The following NLRP14 variants were observed in gnomAD, a reference collection of about 807,000 sequenced individuals.
NLRP14 encodes the protein NLR family pyrin domain containing 14, also known as NACHT, LRR and PYD domains-containing protein 14.
A neutral mutation model predicts 94.7 loss-of-function variants in NLRP14; 105 were observed. The ratio of observed to expected loss-of-function variants is 1.11; its 90% CI spans 0.95 to 1.30. The LOEUF (loss-of-function observed/expected upper bound fraction) is 1.30, where lower values mean the gene tolerates loss of function less well. Ranked by LOEUF, NLRP14 falls within the 50% of genes most tolerant of loss-of-function variation. NLRP14 has a pLI of 0.00. For synonymous variants in NLRP14, 508 were observed against 459.9 expected, an observed-to-expected ratio of 1.10 and a Z score of -1.34; for missense variants, 1,362 against 1,254.1, an observed-to-expected ratio of 1.09 and a Z score of -1.30.
chr11:7,089,264 G>C, the NLRP14 span: 1 of 1,610,352 alleles, frequency 6.2e-7, no homozygotes, highest in East Asian at 2.2e-5. Context: ...CCAACAAGTC[G>C]AGGGGCTTCG....
chr11:7,090,245 C>T, the NLRP14 span: 3 of 1,609,626 alleles, frequency 1.9e-6, no homozygotes, highest in Non-Finnish European at 2.5e-6. Context: ...TGCCCAGGGG[C>T]GGAGGCCGTC....
chr11:7,026,216 G>A (rs10769756), intron 1 of NLRP14, among the ~76,000 whole-genome samples: 95,007 of 151,130 alleles, frequency 0.63, 30,151 homozygotes, highest in East Asian at 0.73. Context: ...GAGTGAACAG[G>A]CAACCTACAG....
In NLRP14 at chr11:7,057,086, T is replaced by TC. The variant is rs1156348251; in HGVS notation, c.2292-587dup. ...ACTCATTACAAAGGGTTAGTATTAC[T>TC]CCCCAACATGTACAAGGCACAGGTT... is the stretch of plus-strand genomic sequence containing the variant. On this transcript the variant is annotated intron_variant, in intron 6 of 11. Transcript: ENST00000299481. Among the ~76,000 whole-genome samples the TC allele has an allele frequency of 3.9e-5, 6 of 152,036 alleles. No homozygotes were observed. In the South Asian group the frequency reaches 6.2e-4, roughly 16 times the overall value.
chr11:7,042,938 G>A lies in NLRP14; in HGVS notation c.912G>A (p.Leu304=). The part of the protein sequence containing the change: ...RKVMLPEASL[L]VTTRLTTSKR... The stretch of plus-strand genomic sequence containing the variant: ...TGATGCTCCCTGAGGCATCCTTATT[G>A]GTGACAACAAGACTCACAACTTCTA... The change falls in exon 4 of 12, where the codon TTG becomes TTA. Residue 304 remains leucine (L), a synonymous_variant. Coordinates refer to ENST00000299481, the MANE Select transcript of NLRP14 (RefSeq NM_176822.4). 1.2e-6 allele frequency: 2 copies of A among 1,613,978 alleles called. No homozygotes were observed. The highest frequency in any genetic ancestry group is 1.7e-6 in the Non-Finnish European group (2 of 1,179,906).
At chr11:7,049,940 T>C in intron 6 of NLRP14, 102 bp downstream of exon 6, 1 of 961,626 alleles carries the variant, frequency 1.0e-6, no homozygotes, top group Admixed American at 1.7e-5. Context: ...TAGGACCGGC[T>C]TAAATCTACT....
chr11:7,067,117 G>C (rs1004707829), intron 10 of NLRP14, among the ~76,000 whole-genome samples: 1 of 152,182 alleles, frequency 6.6e-6, no homozygotes, highest in African/African-American at 2.4e-5. Flanking sequence ...TTGTAGTACA[G>C]TTTGAAGTCA....
the NLRP14 span, among the ~76,000 whole-genome samples, chr11:7,080,337 T>G: frequency 6.6e-6 from 1 of 152,216 alleles, no homozygotes; most frequent in Admixed American, 6.5e-5. Context: ...ATACTATCTA[T>G]CCTTGATTAC....
intron 9 of NLRP14, among the ~76,000 whole-genome samples, chr11:7,062,089 CT>C (rs1852630845): frequency 6.6e-6 from 1 of 151,810 alleles, no homozygotes; most frequent in Admixed American, 6.6e-5. Flanking sequence ...TGTTTATACC[CT>C]TGATTTTTAA....
chr11:7,056,256 A>C (rs980614287), intron 6 of NLRP14, among the ~76,000 whole-genome samples: 42 of 152,086 alleles, frequency 2.8e-4, no homozygotes, highest in African/African-American at 1.0e-3. Context: ...AAAGCAAGAC[A>C]ATTGATAAAA....
chr11:7,062,267 T>A, intron 9 of NLRP14, 66 bp from the exon 10 acceptor site: 1 of 1,366,422 alleles, frequency 7.3e-7, no homozygotes, highest in Non-Finnish European at 1.0e-6. Flanking sequence ...TGGGTATATC[T>A]CCTAGGAAGA....
intron 11 of NLRP14, 47 bp downstream of exon 11, chr11:7,070,503 G>A (rs769581895): frequency 2.2e-6 from 3 of 1,378,620 alleles, no homozygotes; most frequent in Non-Finnish European, 3.1e-6. Flanking sequence ...TATAATGAGG[G>A]ATTTGGGGAG....
At chr11:7,052,380 C>G (rs1852452945) in intron 6 of NLRP14, among the ~76,000 whole-genome samples, 1 of 152,214 alleles carries the variant, frequency 6.6e-6, no homozygotes, top group African/African-American at 2.4e-5. Flanking sequence ...CGCCTGTAAT[C>G]CCAGCACTTT....
intron 1 of NLRP14, among the ~76,000 whole-genome samples, chr11:7,028,868 A>G (rs1852052182): frequency 6.6e-6 from 1 of 152,168 alleles, no homozygotes; most frequent in Non-Finnish European, 1.5e-5. Flanking sequence ...TTTATCTTTT[A>G]TGGATCCATT....
intron 4 of NLRP14, among the ~76,000 whole-genome samples, chr11:7,045,393 T>C (rs1205975265): frequency 2.6e-5 from 4 of 152,176 alleles, no homozygotes; most frequent in Admixed American, 6.5e-5. Context: ...TGTAGAGTTA[T>C]CTAGTACTAG....
At chr11:7,039,657 C>T in intron 2 of NLRP14, 57 bp from the exon 3 acceptor site, 1 of 1,357,782 alleles carries the variant, frequency 7.4e-7, no homozygotes, top group Non-Finnish European at 1.1e-6. Flanking sequence ...TTCTAGCCAT[C>T]ATGAAAGCTC....
intron 6 of NLRP14, among the ~76,000 whole-genome samples, chr11:7,050,250 A>C (rs1456646809): frequency 1.3e-5 from 2 of 152,182 alleles, no homozygotes; most frequent in African/African-American, 4.8e-5. Flanking sequence ...CTATTATTTG[A>C]TTTTTGTTGG....
At chr11:7,069,865 G>T (rs1852765575) in intron 10 of NLRP14, among the ~76,000 whole-genome samples, 1 of 152,000 alleles carries the variant, frequency 6.6e-6, no homozygotes, top group African/African-American at 2.4e-5. Flanking sequence ...AACCTCAGAT[G>T]ATCTGCCCAC....
chr11:7,076,241 A>G (rs1037872393), downstream of NLRP14, among the ~76,000 whole-genome samples: 8 of 152,178 alleles, frequency 5.3e-5, no homozygotes, highest in Non-Finnish European at 1.0e-4. Context: ...CACTCCCCTC[A>G]TGCTAAACTC....
At chr11:7,088,697 A>C in the NLRP14 span, among the ~76,000 whole-genome samples, 14 of 139,722 alleles carry the variant, frequency 1.0e-4, no homozygotes, top group Middle Eastern at 7.2e-3. Context: ...TAGTAATTTA[A>C]AAAATTCATA....
Sources: gnomAD v4.1 joint callset for allele counts (sites outside exome capture counted in the v4.1 genomes callset) on GRCh38, gnomAD v4.1.1 for gene constraint, MANE v1.5 for transcripts, NCBI Gene and HGNC (gene_info 2026-07-23, HGNC 2026-07-21) for gene names.